The following RNF125 variants were observed in gnomAD, a reference collection of about 807,000 sequenced individuals.
RNF125 encodes the protein ring finger protein 125.
Under a neutral mutation model 26.0 loss-of-function variants are expected in RNF125, and 21 were observed. The observed-to-expected ratio is 0.81, with a 90% CI of 0.57 to 1.16. The LOEUF (loss-of-function observed/expected upper bound fraction) is 1.16, where lower values mean the gene tolerates loss of function less well. Among genes scored for constraint, RNF125 ranks in the 50% most tolerant of loss-of-function variants. RNF125 has a pLI of 0.00. For missense variants in RNF125, 270 were observed against 299.4 expected (o/e 0.90, Z 0.72); for synonymous variants, 95 against 109.2 (o/e 0.87, Z 0.81).
intron 5 of RNF125, 62 bp downstream of exon 5, chr18:32,066,071 C>T (rs563243702): frequency 5.9e-5 from 62 of 1,057,378 alleles, no homozygotes; most frequent in Non-Finnish European, 8.1e-5. Flanking sequence ...CTTACCTTTC[C>T]GATCCAAGTG....
At chr18:32,074,732 G>A (rs1409639004), downstream of RNF125, among the ~76,000 whole-genome samples, 7 of 152,048 alleles carry the variant, frequency 4.6e-5, no homozygotes, top group South Asian at 4.1e-4. Flanking sequence ...TAGTAGAGAC[G>A]GAGTTTCACC....
the RNF125 span, among the ~76,000 whole-genome samples, chr18:32,083,625 G>A: frequency 6.6e-6 from 1 of 152,172 alleles, no homozygotes; most frequent in South Asian, 2.1e-4. Flanking sequence ...AATAAATGTG[G>A]AGTAGGTCAG....
At chr18:32,078,645 A>C in the RNF125 span, among the ~76,000 whole-genome samples, 1 of 152,160 alleles carries the variant, frequency 6.6e-6, no homozygotes, top group Non-Finnish European at 1.5e-5. Flanking sequence ...ATCTCTAAAA[A>C]AAAAAGAAAA....
At chr18:32,078,143 C>G (rs551699653), downstream of RNF125, among the ~76,000 whole-genome samples, 13 of 152,224 alleles carry the variant, frequency 8.5e-5, no homozygotes, top group South Asian at 2.7e-3. Context: ...AATTAATAAT[C>G]CCCCATGAAA....
intron 4 of RNF125, among the ~76,000 whole-genome samples, chr18:32,057,301 T>C (rs1398700556): frequency 1.3e-5 from 2 of 152,112 alleles, no homozygotes; most frequent in Non-Finnish European, 2.9e-5. Flanking sequence ...CTGGCCTAAT[T>C]ATGATTCTCA....
chr18:32,020,550 T>C (rs1030387263), intron 1 of RNF125, among the ~76,000 whole-genome samples: 4 of 151,490 alleles, frequency 2.6e-5, no homozygotes, highest in African/African-American at 7.3e-5. Flanking sequence ...GTGCACAACA[T>C]GTTTTTGAGG....
At chr18:32,037,336 C>G in intron 2 of RNF125, 67 bp downstream of exon 2, 1 of 895,752 alleles carries the variant, frequency 1.1e-6, no homozygotes, top group Non-Finnish European at 1.6e-6. Context: ...TATCATTTCA[C>G]CTCTGCTTCT....
intron 4 of RNF125, among the ~76,000 whole-genome samples, chr18:32,056,670 T>A: frequency 6.8e-6 from 1 of 146,028 alleles, no homozygotes; most frequent in African/African-American, 2.5e-5. Context: ...ATAATAACAT[T>A]AAACAATAAA....
intron 4 of RNF125, among the ~76,000 whole-genome samples, chr18:32,058,581 G>A (rs2039407822): frequency 6.6e-6 from 1 of 152,056 alleles, no homozygotes. Context: ...CCTGACCTCA[G>A]GTGATCCACC....
chr18:32,089,260 T>C, the RNF125 span, among the ~76,000 whole-genome samples: 3 of 152,142 alleles, frequency 2.0e-5, no homozygotes, highest in East Asian at 5.8e-4. Flanking sequence ...CTAAAGAAAA[T>C]CCGGCAAAAA....
intron 4 of RNF125, among the ~76,000 whole-genome samples, chr18:32,052,015 G>A (rs1453025353): frequency 6.6e-6 from 1 of 151,882 alleles, no homozygotes; most frequent in African/African-American, 2.4e-5. Context: ...ATGTTACCCT[G>A]GGGGCTCATT....
chr18:32,059,089 C>T (rs555301350), intron 4 of RNF125, among the ~76,000 whole-genome samples: 4 of 152,196 alleles, frequency 2.6e-5, no homozygotes, highest in South Asian at 2.1e-4. Context: ...AATGGGAGTG[C>T]GGATATTTCT....
At chr18:32,063,320 G>T (rs1568208397) in intron 4 of RNF125, among the ~76,000 whole-genome samples, 1 of 150,972 alleles carries the variant, frequency 6.6e-6, no homozygotes, top group Non-Finnish European at 1.5e-5. Context: ...TATGTTAAAA[G>T]AGTTATTTAT....
At chr18:32,021,144 G>A (rs1227334645) in intron 1 of RNF125, among the ~76,000 whole-genome samples, 2 of 152,042 alleles carry the variant, frequency 1.3e-5, no homozygotes, top group Non-Finnish European at 2.9e-5. Flanking sequence ...GCAGTGGCAC[G>A]ATCTTGGCTC....
Position 32,070,929 on chromosome 18 carries a change from C to G in RNF125, c.*2545C>G, listed in dbSNP as rs1299236565. On this transcript the variant is annotated 3_prime_UTR_variant, in exon 6 of 6. Transcript: ENST00000217740. ...ACATTGGTCAGGCTGGCCTCAAACT[C>G]TCGACCTCAGGTGATCCGCCTGCCT... The G allele has an allele frequency of 6.6e-6, 1 of 152,156 alleles. No individual in the cohort carries two copies. The highest frequency in any genetic ancestry group is 1.5e-5 in the Non-Finnish European group (1 of 68,090). The allele number at this position is 152,156 out of a possible 1,614,324, so 9.4% of individuals were successfully genotyped here. A position where few individuals can be genotyped will look rare whatever the true frequency, so the allele number is the denominator to read the frequency against.
At chr18:32,064,049 C>T (rs1423334791) in intron 4 of RNF125, among the ~76,000 whole-genome samples, 1 of 150,312 alleles carries the variant, frequency 6.7e-6, no homozygotes, top group Non-Finnish European at 1.5e-5. Context: ...GGCTGGAGTG[C>T]AGTGGTGCGA....
At chr18:32,035,872 G>T (rs2039147301) in intron 1 of RNF125, among the ~76,000 whole-genome samples, 1 of 152,158 alleles carries the variant, frequency 6.6e-6, no homozygotes, top group South Asian at 2.1e-4. Flanking sequence ...GTGTCTGGAG[G>T]CCGGGCACAG....
chr18:32,024,775 C>G (rs1396723972), intron 1 of RNF125, among the ~76,000 whole-genome samples: 1 of 152,130 alleles, frequency 6.6e-6, no homozygotes, highest in East Asian at 1.9e-4. Flanking sequence ...ACCCAGCCAA[C>G]TAACAATTTA....
intron 4 of RNF125, among the ~76,000 whole-genome samples, chr18:32,046,234 A>AG (rs1276351535): frequency 4.0e-4 from 60 of 148,920 alleles, no homozygotes; most frequent in African/African-American, 4.9e-4. Context: ...AAAAAAAAAA[A>AG]AAAGAGAAAG....
Sources: allele counts gnomAD v4.1 joint callset (sites outside exome capture counted in the v4.1 genomes callset), GRCh38; gene constraint gnomAD v4.1.1; transcripts MANE v1.5; gene names NCBI Gene and HGNC (gene_info 2026-07-23, HGNC 2026-07-21).